Variants in PHC2 observed in about 807,000 individuals in gnomAD.
PHC2 encodes the protein polyhomeotic-like protein 2.
PHC2 carries 29 observed loss-of-function variants against 87.4 expected under a neutral mutation model. The ratio of observed to expected loss-of-function variants is 0.33; its 90% CI spans 0.25 to 0.45. The LOEUF (loss-of-function observed/expected upper bound fraction) is 0.45, where lower values mean the gene tolerates loss of function less well. Ranked by LOEUF, PHC2 falls within the 20% of genes least tolerant of loss-of-function variation. PHC2 has a pLI of 1.00. For synonymous variants in PHC2, 438 were observed against 461.7 expected (o/e 0.95, Z 0.66); for missense variants, 857 against 1,136.7 (o/e 0.75, Z 3.54).
At chr1:33,417,885 T>C (rs192354943) in intron 1 of PHC2, among the ~76,000 whole-genome samples, 76 of 152,250 alleles carry the variant, frequency 5.0e-4, no homozygotes, top group Middle Eastern at 6.8e-3. Context: ...GCATATTCTC[T>C]AAGCATAACA....
At position 33,364,410 on chromosome 1, in the gene PHC2, A is replaced by ACACACACG. The variant is rs1553186434; in HGVS notation, c.976+2705_976+2706insCGTGTGTG. ...TGCTTTCACACACACACACACACACACACACACACACACACGCTCAAGCAC... is the reference window on the plus strand; with the variant it reads ...TGCTTTCACACACACACACACACACACACACACGCACACACACACACACGCTCAAGCAC... On this transcript the variant is annotated intron_variant, in intron 7 of 14. Transcript: ENST00000683057. This position sits in a 1 kb window ranked among gnomAD's most constrained non-coding sequence, Gnocchi z 4.1. 5.8e-3 allele frequency among the ~76,000 whole-genome samples: 874 copies of ACACACACG among 150,032 alleles called. 6 individuals are homozygous for ACACACACG. The highest frequency in any genetic ancestry group is 0.016 in the African/African-American group (649 of 40,650).
At chr1:33,393,672 T>C (rs932670956) in intron 1 of PHC2, among the ~76,000 whole-genome samples, 1 of 17,582 alleles carries the variant, frequency 5.7e-5, no homozygotes, top group Non-Finnish European at 1.1e-4. Flanking sequence ...TTTGCTGTCA[T>C]TGTTGTTATT....
intron 1 of PHC2, among the ~76,000 whole-genome samples, chr1:33,428,337 T>A (rs1262019070): frequency 6.6e-5 from 10 of 152,212 alleles, no homozygotes; most frequent in Admixed American, 2.0e-4. Context: ...ATACCGCCCA[T>A]GATTTTCCAG....
Position 33,367,098 on chromosome 1 carries a change from G to A in PHC2, c.976+18C>T. ...CTGAGTTTTCTGGGAAAGGATTCCT[G>A]CTTCCTGAAGACCTTACCTGGTGCA... On this transcript the variant is annotated intron_variant, in intron 7 of 14. Coordinates refer to ENST00000683057, the MANE Select transcript of PHC2 (RefSeq NM_001385109.1). 1 of 1,576,616 alleles carries A rather than the reference G, an allele frequency of 6.3e-7. No homozygotes were observed. Among genetic ancestry groups the A allele is most frequent in the Non-Finnish European group, 8.7e-7 (1 of 1,155,708 alleles).
intron 9 of PHC2, among the ~76,000 whole-genome samples, chr1:33,351,192 G>A (rs1175832735): frequency 6.6e-6 from 1 of 152,222 alleles, no homozygotes; most frequent in Non-Finnish European, 1.5e-5. Flanking sequence ...TGTACGTGAA[G>A]GAGTGTGGTT....
At chr1:33,344,219 C>T (rs1252579584) in intron 9 of PHC2, among the ~76,000 whole-genome samples, 3 of 152,248 alleles carry the variant, frequency 2.0e-5, no homozygotes, top group East Asian at 3.9e-4. Flanking sequence ...GGATTTCTAC[C>T]GGTTTACAAA....
chr1:33,331,555 C>T lies in PHC2; in HGVS notation c.1892-93G>A. 1 of 704,402 alleles carries T rather than the reference C, an allele frequency of 1.4e-6. No homozygotes were observed. Among genetic ancestry groups the T allele is most frequent in the South Asian group, 1.7e-5 (1 of 59,346 alleles). The allele number at this position is 704,402 out of a possible 1,614,324, so 43.6% of individuals were successfully genotyped here. A position where few individuals can be genotyped will look rare whatever the true frequency, so the allele number is the denominator to read the frequency against. ...ACGGGGCCTCCCTACTCCATCCTGCCTGGTCCTCCTGCTCCCACAGCTGTG... is the reference window on the plus strand; with the variant it reads ...ACGGGGCCTCCCTACTCCATCCTGCTTGGTCCTCCTGCTCCCACAGCTGTG... On this transcript the variant is annotated intron_variant, in intron 11 of 14. Coordinates refer to ENST00000683057, the MANE Select transcript of PHC2 (RefSeq NM_001385109.1). This position sits in a 1 kb window ranked among gnomAD's most constrained non-coding sequence, Gnocchi z 5.2.
At chr1:33,378,160 A>G (rs1219368933) in intron 1 of PHC2, among the ~76,000 whole-genome samples, 1 of 152,210 alleles carries the variant, frequency 6.6e-6, no homozygotes, top group Non-Finnish European at 1.5e-5. Flanking sequence ...ATGATGCAGG[A>G]ATCAATGAAG....
rs1168097520 is a variant in PHC2, at chr1:33,375,497, A to C, written c.43T>G (p.Cys15Gly). 4 of 1,610,016 alleles carry C rather than the reference A, an allele frequency of 2.5e-6. No homozygotes were observed. Among genetic ancestry groups the C allele is most frequent in the Non-Finnish European group, 1.7e-6 (2 of 1,178,048 alleles). The change falls in exon 2 of 15, where the codon TGT (cysteine) becomes GGT (glycine). Residue 15 changes from cysteine (C) to glycine (G), a missense_variant. By Grantham distance (159) the Cys-to-Gly change is radical. Coordinates refer to ENST00000683057, the MANE Select transcript of PHC2 (RefSeq NM_001385109.1). The stretch of plus-strand genomic sequence containing the variant: ...GCCCCGCTGGTACTGCTGGTGGCAC[A>C]GGCACTGCTAGATGTATGTGGGACT... ...LPVPHTSSSA[C>G]ATSSTSGASS...
In PHC2 at chr1:33,349,782, CCGGGGCGCGAGGCCGGGA is replaced by C; in HGVS notation, c.1558+4601_1558+4618del. On this transcript the variant is annotated intron_variant, in intron 9 of 14. Transcript: ENST00000683057. The surrounding 1 kb of genome is among the most constrained non-coding windows in gnomAD (Gnocchi z 4.2). ...CCTGGCCGGCGTCAACAAAGGGCGG[CCGGGGCGCGAGGCCGGGA>C]CGGGGGCGCGAGGCCGGGGCGGGAG... The C allele has an allele frequency of 1.0e-6, 1 of 979,470 alleles. No homozygotes were observed. The highest frequency in any genetic ancestry group is 1.2e-6 in the Non-Finnish European group (1 of 827,330). 60.7% of individuals were successfully genotyped at this position (979,470 alleles called of 1,614,324 possible).
intron 9 of PHC2, chr1:33,345,383 C>T: frequency 4.7e-6 from 1 of 214,304 alleles, no homozygotes; most frequent in South Asian, 1.7e-4. Flanking sequence ...GCAGTCATGT[C>T]TTTACCAGAT....
intron 1 of PHC2, among the ~76,000 whole-genome samples, chr1:33,385,798 A>AT (rs368694960): frequency 0.17 from 26,098 of 149,804 alleles, 2,708 homozygotes; most frequent in South Asian, 0.27. Context: ...ACAGAATAAA[A>AT]ATTTTTTTTT....
At chr1:33,356,253 A>ATATATATATATATATATATATATATATG (rs1647071892) in intron 7 of PHC2, among the ~76,000 whole-genome samples, 1 of 50,686 alleles carries the variant, frequency 2.0e-5, no homozygotes, top group Non-Finnish European at 3.9e-5. Context: ...AAATTCTTAT[A>ATATATATATATATATATATATATATATG]TATATATATA....
Position 33,372,416 on chromosome 1 carries a change from C to A in PHC2, c.206G>T (p.Ser69Ile). Residue 69 changes from serine (S) to isoleucine (I), a missense_variant, in exon 3 of 15, where the codon AGC becomes ATC. Ser to Ile is a moderately radical substitution (Grantham distance 142). This residue lies in a region of PHC2 where 832 missense variants were observed against 1,081.8 expected (regional missense o/e 0.77). Coordinates refer to ENST00000683057, the MANE Select transcript of PHC2 (RefSeq NM_001385109.1). Reference protein sequence around the residue: ...VIQQALHRQPSTAAQYLQQMY... With the variant: ...VIQQALHRQPITAAQYLQQMY... ...CTGCTGCAGGTACTGAGCGGCCGTGCTGGGCTGTCTGTGCAGGGCCTGCTG... is the reference window on the plus strand; with the variant it reads ...CTGCTGCAGGTACTGAGCGGCCGTGATGGGCTGTCTGTGCAGGGCCTGCTG... 6.3e-7 allele frequency: 1 copy of A among 1,595,476 alleles called. No individual in the cohort carries two copies.
intron 9 of PHC2, among the ~76,000 whole-genome samples, chr1:33,352,231 CAGTG>C (rs1045807940): frequency 2.0e-5 from 3 of 152,174 alleles, no homozygotes; most frequent in Non-Finnish European, 4.4e-5. Context: ...CATGAGTACT[CAGTG>C]GGGTCCCATA....
intron 1 of PHC2, among the ~76,000 whole-genome samples, chr1:33,393,129 T>C (rs1027113348): frequency 6.6e-6 from 1 of 152,158 alleles, no homozygotes. Context: ...AAGAAGCTCA[T>C]TAGCAGCCAT....
intron 7 of PHC2, chr1:33,363,344 G>A (rs577368551): frequency 6.6e-5 from 10 of 152,278 alleles, no homozygotes; most frequent in African/African-American, 1.9e-4. Context: ...CATCAAAATC[G>A]TTGGGGATTT....
intron 1 of PHC2, among the ~76,000 whole-genome samples, chr1:33,420,579 T>C (rs1650394713): frequency 1.3e-5 from 2 of 152,138 alleles, no homozygotes; most frequent in Non-Finnish European, 2.9e-5. Context: ...ATCTGGCTAA[T>C]GTATTCATGA....
In PHC2 at chr1:33,331,302, CAT is replaced by C. The variant is rs761712556; in HGVS notation, c.2006+44_2006+45del. On this transcript the variant is annotated intron_variant, in intron 12 of 14. Transcript: ENST00000683057. The surrounding 1 kb of genome is among the most constrained non-coding windows in gnomAD (Gnocchi z 5.2). ...AGACTATTAATGGCAGGAGGTGGGA[CAT>C]AAAGTGCAGTCCTGGGGAAATGGAG... The C allele has an allele frequency of 4.9e-6, 5 of 1,028,910 alleles. No homozygotes were observed. Among genetic ancestry groups the C allele is most frequent in the Non-Finnish European group, 4.5e-6 (3 of 662,366 alleles). The allele number at this position is 1,028,910 out of a possible 1,614,324, so 63.7% of individuals were successfully genotyped here. A position where few individuals can be genotyped will look rare whatever the true frequency, so the allele number is the denominator to read the frequency against.
Sources: allele counts gnomAD v4.1 joint callset (sites outside exome capture counted in the v4.1 genomes callset), GRCh38; gene constraint gnomAD v4.1.1; regional missense constraint gnomAD v4.1.1; non-coding constraint Gnocchi (gnomAD v3.1); transcripts MANE v1.5; gene names NCBI Gene and HGNC (gene_info 2026-07-23, HGNC 2026-07-21).